Variants in BICD1 observed in about 807,000 individuals in gnomAD.
BICD1 encodes BICD cargo adaptor 1, also known as protein bicaudal D homolog 1.
A neutral mutation model predicts 92.5 loss-of-function variants in BICD1; 35 were observed. That is an observed-to-expected ratio of 0.38 (90% confidence interval 0.29 to 0.50). The LOEUF (loss-of-function observed/expected upper bound fraction) is 0.50, where lower values mean the gene tolerates loss of function less well. Among genes scored for constraint, BICD1 ranks in the 20% least tolerant of loss-of-function variants. The probability of loss-of-function intolerance (pLI) is 0.93; values close to 1 mark genes in which losing one functional copy is unlikely to be tolerated. For synonymous variants in BICD1, 429 were observed against 465.1 expected (o/e 0.92, Z 1.00); for missense variants, 950 against 1,189.8 (o/e 0.80, Z 2.97).
At chr12:32,147,615 A>G (rs1943153994) in intron 1 of BICD1, among the ~76,000 whole-genome samples, 1 of 152,204 alleles carries the variant, frequency 6.6e-6, no homozygotes, top group Non-Finnish European at 1.5e-5. Context: ...TATGTTGATA[A>G]TTTTAAAAAA....
intron 8 of BICD1, among the ~76,000 whole-genome samples, chr12:32,348,425 G>A (rs975183249): frequency 6.6e-6 from 1 of 151,638 alleles, no homozygotes; most frequent in Non-Finnish European, 1.5e-5. Context: ...TAATCCTTAG[G>A]AGAAAAACTA....
chr12:32,243,313 C>T (rs1256950115), intron 2 of BICD1, among the ~76,000 whole-genome samples: 1 of 124,980 alleles, frequency 8.0e-6, no homozygotes, highest in Non-Finnish European at 1.6e-5. Flanking sequence ...AGGGTTTTGC[C>T]ATGTTGCCCA....
At chr12:32,117,286 T>G (rs1211173137) in intron 1 of BICD1, among the ~76,000 whole-genome samples, 1 of 152,192 alleles carries the variant, frequency 6.6e-6, no homozygotes, top group Admixed American at 6.5e-5. Flanking sequence ...TTTCTTTGAT[T>G]TTTATCATTC....
chr12:32,325,199 C>G (rs1948747692), intron 4 of BICD1, among the ~76,000 whole-genome samples: 1 of 151,552 alleles, frequency 6.6e-6, no homozygotes, highest in African/African-American at 2.4e-5. Context: ...TGTTGCTGTC[C>G]TTTCTTTCTT....
intron 9 of BICD1, 163 bp downstream of exon 9, chr12:32,367,908 G>A (rs960941500): frequency 4.2e-5 from 27 of 636,178 alleles, no homozygotes; most frequent in Non-Finnish European, 6.3e-5. Context: ...CAGTCCCTGC[G>A]TTCCCAGTAG....
rs141462573 is a variant in BICD1, at chr12:32,260,200, C to T, written c.427-33794C>T. Among the ~76,000 whole-genome samples, 752 of 152,332 alleles carry T rather than the reference C, an allele frequency of 4.9e-3. 1 individual carries two copies. Among genetic ancestry groups the T allele is most frequent in the African/African-American group, 0.017 (701 of 41,574 alleles). On this transcript the variant is annotated intron_variant, in intron 2 of 9. Coordinates refer to ENST00000652176, the MANE Select transcript of BICD1 (RefSeq NM_001714.4). ...TCCGCCTCCCAAAGTGTTGGGATTGCAGGCATGAGCCACCACGCCCAGCCT... is the reference window on the plus strand; with the variant it reads ...TCCGCCTCCCAAAGTGTTGGGATTGTAGGCATGAGCCACCACGCCCAGCCT...
intron 8 of BICD1, among the ~76,000 whole-genome samples, chr12:32,355,604 C>T (rs899192914): frequency 2.0e-5 from 3 of 152,038 alleles, no homozygotes; most frequent in African/African-American, 7.2e-5. Context: ...GAGTATGAGA[C>T]TAGCCTGGGC....
At chr12:32,322,252 A>G (rs891729795) in intron 4 of BICD1, among the ~76,000 whole-genome samples, 3 of 152,096 alleles carry the variant, frequency 2.0e-5, no homozygotes, top group African/African-American at 7.2e-5. Context: ...TGTAATATAT[A>G]TGTAATTTGG....
rs143374589 is a variant in BICD1 at position 32,187,807 on chromosome 12, C to T, written c.214-28440C>T. 5.3e-5 allele frequency among the ~76,000 whole-genome samples: 8 copies of T among 152,352 alleles called. No individual in the cohort carries two copies. In the East Asian group the frequency reaches 1.5e-3, roughly 29 times the overall value. ...ATTTGGGTAAGGAATTCAGCAGGAA[C>T]CCAAACCTCCCACATCACACAATAT... On this transcript the variant is annotated intron_variant, in intron 1 of 9. Coordinates refer to ENST00000652176, the MANE Select transcript of BICD1 (RefSeq NM_001714.4).
At chr12:32,122,470 CAG>C (rs1048483319) in intron 1 of BICD1, among the ~76,000 whole-genome samples, 2 of 133,146 alleles carry the variant, frequency 1.5e-5, no homozygotes, top group Admixed American at 1.6e-4. Context: ...GCCTGGGCGA[CAG>C]AGCAAGACTC....
chr12:32,152,620 C>T (rs1367242188), intron 1 of BICD1, among the ~76,000 whole-genome samples: 4 of 152,148 alleles, frequency 2.6e-5, no homozygotes, highest in African/African-American at 9.7e-5. Flanking sequence ...GTCCATTCTT[C>T]TATAACCAGG....
At chr12:32,111,340 C>G (rs1398126931) in intron 1 of BICD1, among the ~76,000 whole-genome samples, 1 of 152,208 alleles carries the variant, frequency 6.6e-6, no homozygotes, top group Non-Finnish European at 1.5e-5. Flanking sequence ...TGTACTTACA[C>G]AGTTTTAGAG....
chr12:32,170,474 C>T (rs970789396), intron 1 of BICD1, among the ~76,000 whole-genome samples: 3 of 152,192 alleles, frequency 2.0e-5, no homozygotes, highest in African/African-American at 7.2e-5. Context: ...CCTTCTACAA[C>T]AATATTATTT....
chr12:32,250,459 A>T (rs1158088317), intron 2 of BICD1, among the ~76,000 whole-genome samples: 2 of 152,216 alleles, frequency 1.3e-5, no homozygotes, highest in African/African-American at 4.8e-5. Context: ...TCTAGAAAAC[A>T]TCATGCAATT....
intron 1 of BICD1, among the ~76,000 whole-genome samples, chr12:32,211,458 C>A (rs1945212751): frequency 6.6e-6 from 1 of 152,074 alleles, no homozygotes; most frequent in South Asian, 2.1e-4. Flanking sequence ...AAATGTTTAT[C>A]TCCTTTGGTG....
chr12:32,114,580 G>A (rs1941821650), intron 1 of BICD1, among the ~76,000 whole-genome samples: 1 of 151,904 alleles, frequency 6.6e-6, no homozygotes, highest in East Asian at 1.9e-4. Context: ...ACAGGGTTTT[G>A]CCATGTAAGC....
intron 2 of BICD1, among the ~76,000 whole-genome samples, chr12:32,223,327 G>A (rs943372120): frequency 4.6e-5 from 7 of 152,144 alleles, no homozygotes; most frequent in African/African-American, 1.7e-4. Flanking sequence ...AGACCAGGCT[G>A]GCCAACATGG....
chr12:32,353,628 T>C (rs905579762), intron 8 of BICD1: 4 of 152,230 alleles, frequency 2.6e-5, no homozygotes, highest in Non-Finnish European at 5.9e-5. Flanking sequence ...ACACATTTCA[T>C]TGAGTGGTGT....
chr12:32,316,713 T>G (rs1046916740), intron 4 of BICD1, among the ~76,000 whole-genome samples: 9 of 152,154 alleles, frequency 5.9e-5, no homozygotes, highest in African/African-American at 2.2e-4. Context: ...TTTTAAAATT[T>G]TATTATTATA....
Sources: allele counts gnomAD v4.1 joint callset (sites outside exome capture counted in the v4.1 genomes callset), GRCh38; gene constraint gnomAD v4.1.1; transcripts MANE v1.5; gene names NCBI Gene and HGNC (gene_info 2026-07-23, HGNC 2026-07-21).